Variants in PSMB7 observed in about 807,000 individuals in gnomAD.
The protein encoded by PSMB7 is proteasome subunit beta type-7.
A neutral mutation model predicts 28.1 loss-of-function variants in PSMB7; 5 were observed. The observed-to-expected ratio is 0.18, with a 90% CI of 0.09 to 0.37. PSMB7 has a LOEUF of 0.37. Among genes scored for constraint, PSMB7 ranks in the 10% least tolerant of loss-of-function variants. PSMB7 has a pLI of 1.00. For synonymous variants in PSMB7, 122 were observed against 123.7 expected (o/e 0.99, Z 0.09); for missense variants, 275 against 346.2 (o/e 0.79, Z 1.63).
At chr9:124,394,494 G>A (rs779862817) in intron 5 of PSMB7, among the ~76,000 whole-genome samples, 1 of 152,170 alleles carries the variant, frequency 6.6e-6, no homozygotes, top group Non-Finnish European at 1.5e-5. Context: ...TAACTGTTCT[G>A]AAAAGTGCTC....
At chr9:124,396,580 GC>G (rs1830845581) in intron 5 of PSMB7, among the ~76,000 whole-genome samples, 1 of 152,154 alleles carries the variant, frequency 6.6e-6, no homozygotes, top group Non-Finnish European at 1.5e-5. Flanking sequence ...TACCTGGATG[GC>G]CCTGGCAGTG....
intron 7 of PSMB7, among the ~76,000 whole-genome samples, chr9:124,355,708 C>G (rs2131138132): frequency 6.6e-6 from 1 of 152,286 alleles, no homozygotes; most frequent in Middle Eastern, 3.4e-3. Context: ...TGGTTTAGCT[C>G]CATTTCCAAG....
At chr9:124,368,398 A>G (rs1830529340) in intron 6 of PSMB7, among the ~76,000 whole-genome samples, 1 of 152,238 alleles carries the variant, frequency 6.6e-6, no homozygotes, top group Non-Finnish European at 1.5e-5. Context: ...CTACCCTAAC[A>G]TTCCAACACT....
chr9:124,381,192 T>C (rs1830661431), intron 6 of PSMB7, among the ~76,000 whole-genome samples: 3 of 152,264 alleles, frequency 2.0e-5, no homozygotes, highest in Admixed American at 1.3e-4. Context: ...GACAGGTTTT[T>C]AAGGAGGGAG....
chr9:124,413,885 T>A, intron 3 of PSMB7, 23 bp downstream of exon 3: 1 of 1,492,606 alleles, frequency 6.7e-7, no homozygotes, highest in Non-Finnish European at 9.3e-7. Flanking sequence ...ATATAAGAGT[T>A]ATTCAAACGA....
rs183733716 is a variant in PSMB7, at chr9:124,398,274, G to C, written c.511+7043C>G. 1.3e-3 allele frequency among the ~76,000 whole-genome samples: 193 copies of C among 152,070 alleles called. 1 individual carries two copies. Among genetic ancestry groups the C allele is most frequent in the Middle Eastern group, 6.9e-3 (2 of 290 alleles). ...AAGGGTAAAGAAGGCAGGGAGGGGA[G>C]GGGTGAAAGAAGGTTAGGGAAAGAA... is the stretch of plus-strand genomic sequence containing the variant. On this transcript the variant is annotated intron_variant, in intron 5 of 7. Transcript: ENST00000259457.
chr9:124,372,003 C>G (rs2131151528), intron 6 of PSMB7, among the ~76,000 whole-genome samples: 1 of 152,316 alleles, frequency 6.6e-6, no homozygotes, highest in Non-Finnish European at 1.5e-5. Context: ...AAAAACATTG[C>G]TTTTTACAAA....
chr9:124,412,183 T>C (rs1831034634), intron 4 of PSMB7, among the ~76,000 whole-genome samples, 169 bp downstream of exon 4: 1 of 152,216 alleles, frequency 6.6e-6, no homozygotes, highest in African/African-American at 2.4e-5. Flanking sequence ...GAAATTCAAA[T>C]GCACCATCAA....
At chr9:124,398,156 G>C (rs915221867) in intron 5 of PSMB7, among the ~76,000 whole-genome samples, 4 of 150,464 alleles carry the variant, frequency 2.7e-5, no homozygotes, top group African/African-American at 7.4e-5. Context: ...CTGGGCAACA[G>C]AGTGAGACTC....
Position 124,358,475 on chromosome 9 carries a change from C to T in PSMB7, c.571-1560G>A, listed in dbSNP as rs562898595. ...GCAGTCCTGTAAGAATGCATTCAAA[C>T]GGGATCCGCTAATTAGGAATTTTCT... On this transcript the variant is annotated intron_variant, in intron 6 of 7. Coordinates refer to ENST00000259457, the MANE Select transcript of PSMB7 (RefSeq NM_002799.4). 3.2e-4 allele frequency among the ~76,000 whole-genome samples: 48 copies of T among 152,322 alleles called. 1 individual carries two copies. The highest frequency in any genetic ancestry group is 8.3e-4 in the South Asian group (4 of 4,826).
intron 5 of PSMB7, among the ~76,000 whole-genome samples, chr9:124,397,387 C>T (rs2131171567): frequency 6.6e-6 from 1 of 152,336 alleles, no homozygotes; most frequent in Admixed American, 6.5e-5. Flanking sequence ...CAAATAAACT[C>T]TCAGGAAGGC....
At chr9:124,378,874 C>T (rs549374273) in intron 6 of PSMB7, among the ~76,000 whole-genome samples, 3 of 152,314 alleles carry the variant, frequency 2.0e-5, no homozygotes, top group Admixed American at 1.3e-4. Context: ...TTATTTTTAA[C>T]TGGAAAATGG....
intron 6 of PSMB7, among the ~76,000 whole-genome samples, chr9:124,377,386 T>C (rs180919161): frequency 2.6e-5 from 4 of 152,324 alleles, no homozygotes; most frequent in African/African-American, 7.2e-5. Flanking sequence ...ATATGCCAAA[T>C]AGCACAATTT....
At chr9:124,412,735 A>G (rs1831041983) in intron 3 of PSMB7, among the ~76,000 whole-genome samples, 1 of 152,352 alleles carries the variant, frequency 6.6e-6, no homozygotes, top group African/African-American at 2.4e-5. Flanking sequence ...GGTTTCTGTG[A>G]TAACAGTGTG....
intron 2 of PSMB7, 96 bp from the exon 3 acceptor site, chr9:124,414,101 T>C (rs1175020248): frequency 4.2e-6 from 3 of 709,860 alleles, no homozygotes; most frequent in Non-Finnish European, 7.0e-6. Flanking sequence ...CCATACCACA[T>C]GCTCCCCTAA....
intron 5 of PSMB7, among the ~76,000 whole-genome samples, chr9:124,390,911 A>G (rs566660447): frequency 1.3e-5 from 2 of 152,354 alleles, no homozygotes; most frequent in East Asian, 3.9e-4. Context: ...TGCATGAGTC[A>G]ACAGACCCAA....
intron 6 of PSMB7, among the ~76,000 whole-genome samples, chr9:124,368,778 A>G (rs1830533263): frequency 6.6e-6 from 1 of 152,256 alleles, no homozygotes; most frequent in African/African-American, 2.4e-5. Context: ...CCTGATAAGC[A>G]TTTTACAAAC....
At chr9:124,355,295 T>C (rs1288207794) in intron 7 of PSMB7, among the ~76,000 whole-genome samples, 2 of 152,196 alleles carry the variant, frequency 1.3e-5, no homozygotes, top group African/African-American at 4.8e-5. Flanking sequence ...TTTCTTTTGT[T>C]CTTGGGTGTT....
chr9:124,388,415 A>G (rs1166867903), intron 5 of PSMB7, among the ~76,000 whole-genome samples: 1 of 152,212 alleles, frequency 6.6e-6, no homozygotes, highest in Admixed American at 6.5e-5. Flanking sequence ...TCCAGTCAGG[A>G]GGAGAAGGAA....
Sources: allele counts gnomAD v4.1 joint callset (sites outside exome capture counted in the v4.1 genomes callset), GRCh38; gene constraint gnomAD v4.1.1; transcripts MANE v1.5; gene names NCBI Gene and HGNC (gene_info 2026-07-23, HGNC 2026-07-21).